SPOCK3: variants seen among roughly 807,000 people sequenced by gnomAD.
SPOCK3 encodes testican-3.
A neutral mutation model predicts 56.6 loss-of-function variants in SPOCK3; 30 were observed. That is an observed-to-expected ratio of 0.53 (90% CI 0.40 to 0.72). The LOEUF (loss-of-function observed/expected upper bound fraction) is 0.72. Among genes scored for constraint, SPOCK3 ranks in the 30% least tolerant of loss-of-function variants. SPOCK3 has a pLI of 0.00. For missense variants in SPOCK3, 527 were observed against 530.0 expected (o/e 0.99, Z 0.06); for synonymous variants, 196 against 183.3 (o/e 1.07, Z -0.56).
intron 4 of SPOCK3, among the ~76,000 whole-genome samples, chr4:166,961,631 T>G (rs1439195640): frequency 9.9e-5 from 15 of 152,112 alleles, no homozygotes. Context: ...CGGAATCAAT[T>G]CTGCTCTTTG....
intron 4 of SPOCK3, among the ~76,000 whole-genome samples, chr4:166,944,071 C>T (rs973814474): frequency 4.6e-5 from 7 of 152,000 alleles, no homozygotes; most frequent in African/African-American, 1.4e-4. Context: ...CACTTGAACC[C>T]GGGAGGCGAA....
At chr4:166,992,567 T>C (rs533722392) in intron 4 of SPOCK3, among the ~76,000 whole-genome samples, 2 of 152,292 alleles carry the variant, frequency 1.3e-5, no homozygotes, top group East Asian at 3.9e-4. Context: ...ACTACATATT[T>C]GTGTAAATAC....
chr4:167,048,011 C>T (rs551125917), intron 3 of SPOCK3, among the ~76,000 whole-genome samples: 1 of 152,240 alleles, frequency 6.6e-6, no homozygotes, highest in South Asian at 2.1e-4. Context: ...GATCGTGTCA[C>T]TGCACTCCTG....
At chr4:167,115,008 C>T (rs1035741246) in intron 2 of SPOCK3, among the ~76,000 whole-genome samples, 1 of 151,912 alleles carries the variant, frequency 6.6e-6, no homozygotes, top group Non-Finnish European at 1.5e-5. Context: ...TAGAAAATAG[C>T]AGGAAATATG....
intron 6 of SPOCK3, among the ~76,000 whole-genome samples, chr4:166,854,744 G>C (rs1231124546): frequency 6.6e-6 from 1 of 152,118 alleles, no homozygotes; most frequent in African/African-American, 2.4e-5. Flanking sequence ...AATTCTAATA[G>C]CCAAGAGGTA....
chr4:166,930,909 G>A (rs1476425490), intron 4 of SPOCK3, among the ~76,000 whole-genome samples: 14 of 152,022 alleles, frequency 9.2e-5, no homozygotes, highest in Non-Finnish European at 1.5e-5. Flanking sequence ...TTGCCAAAAC[G>A]GGTAAGTGGG....
chr4:167,048,426 G>C (rs1053178197), intron 3 of SPOCK3, among the ~76,000 whole-genome samples: 31 of 152,086 alleles, frequency 2.0e-4, no homozygotes, highest in Admixed American at 9.8e-4. Flanking sequence ...AACCAGACAT[G>C]CCCAATATAT....
At chr4:167,186,585 C>A (rs1209104855) in intron 2 of SPOCK3, among the ~76,000 whole-genome samples, 2 of 151,922 alleles carry the variant, frequency 1.3e-5, no homozygotes, top group Non-Finnish European at 2.9e-5. Context: ...CGAGATCATG[C>A]CATTGCACTC....
chr4:167,058,057 T>C lies in SPOCK3; in HGVS notation c.235+4435A>G, dbSNP rs576118426. Among the ~76,000 whole-genome samples, 4 of 152,226 alleles carry C rather than the reference T, an allele frequency of 2.6e-5. No homozygotes were observed. The South Asian group carries it at 8.3e-4, about 32-fold the overall frequency. On this transcript the variant is annotated intron_variant, in intron 3 of 10. Transcript: ENST00000357545. ...TTGAAGTAAAGCTCTCCTCAGCAAA[T>C]GTAAAAGATCGGAATTTTAACAAAC...
intron 7 of SPOCK3, among the ~76,000 whole-genome samples, chr4:166,769,243 T>C (rs150403571): frequency 0.011 from 1,678 of 152,308 alleles, 30 homozygotes; most frequent in African/African-American, 0.037. Context: ...GCTGCGTTCC[T>C]TTGGAGGGGG....
At chr4:166,793,508 T>C (rs750996343) in intron 6 of SPOCK3, among the ~76,000 whole-genome samples, 14 of 152,108 alleles carry the variant, frequency 9.2e-5, no homozygotes, top group Non-Finnish European at 1.8e-4. Flanking sequence ...TTGTGTTGGG[T>C]CGCATTCAAA....
chr4:166,809,273 A>G (rs1743513612), intron 6 of SPOCK3, among the ~76,000 whole-genome samples: 1 of 151,792 alleles, frequency 6.6e-6, no homozygotes, highest in Non-Finnish European at 1.5e-5. Flanking sequence ...TATTCTTATA[A>G]AGTGTCAGTG....
chr4:166,752,004 C>A (rs1474081340), intron 8 of SPOCK3, among the ~76,000 whole-genome samples: 2 of 151,946 alleles, frequency 1.3e-5, no homozygotes, highest in African/African-American at 4.8e-5. Context: ...ACAAATATTT[C>A]ACTTGCTTGA....
chr4:167,046,299 G>A (rs1753708227), intron 3 of SPOCK3, among the ~76,000 whole-genome samples: 1 of 151,208 alleles, frequency 6.6e-6, no homozygotes, highest in African/African-American at 2.4e-5. Context: ...GCCTAGATGT[G>A]GGTGGTTTTC....
chr4:167,168,206 T>C (rs897240147), intron 2 of SPOCK3, among the ~76,000 whole-genome samples: 1 of 152,090 alleles, frequency 6.6e-6, no homozygotes, highest in Non-Finnish European at 1.5e-5. Flanking sequence ...TACAGTAAAT[T>C]GGTACTGGTA....
At chr4:166,859,926 A>G (rs1262166100) in intron 6 of SPOCK3, among the ~76,000 whole-genome samples, 8 of 152,158 alleles carry the variant, frequency 5.3e-5, no homozygotes, top group Non-Finnish European at 7.4e-5. Flanking sequence ...TTACAAATGT[A>G]TCGGTGACAA....
At chr4:166,784,864 A>G (rs958420083) in intron 7 of SPOCK3, among the ~76,000 whole-genome samples, 14 of 152,104 alleles carry the variant, frequency 9.2e-5, no homozygotes, top group African/African-American at 3.4e-4. Context: ...GACTCTGCTA[A>G]TCTGGGGATT....
intron 2 of SPOCK3, among the ~76,000 whole-genome samples, chr4:167,212,994 G>A (rs1735027015): frequency 6.6e-6 from 1 of 152,084 alleles, no homozygotes; most frequent in Non-Finnish European, 1.5e-5. Context: ...ATTTGGTTTG[G>A]CCACTACCCC....
intron 6 of SPOCK3, among the ~76,000 whole-genome samples, chr4:166,835,450 A>G (rs905635288): frequency 3.3e-5 from 5 of 152,150 alleles, no homozygotes; most frequent in Non-Finnish European, 7.4e-5. Flanking sequence ...TTTGTGTTGT[A>G]TCTTAAACTA....
Sources: gnomAD v4.1 joint callset for allele counts (sites outside exome capture counted in the v4.1 genomes callset) on GRCh38, gnomAD v4.1.1 for gene constraint, MANE v1.5 for transcripts, NCBI Gene and HGNC (gene_info 2026-07-23, HGNC 2026-07-21) for gene names.